Variants in RANBP2 observed in about 807,000 individuals in gnomAD.
RANBP2 encodes E3 SUMO-protein ligase RanBP2.
Under a neutral mutation model 303.6 loss-of-function variants are expected in RANBP2, and 57 were observed. That is an observed-to-expected ratio of 0.19 (90% confidence interval 0.15 to 0.23). RANBP2 has a LOEUF of 0.23. RANBP2 is among the 10% of genes least tolerant of loss of function. The pLI is 1.00. For synonymous variants in RANBP2, 1,167 were observed against 1,301.5 expected (o/e 0.90, Z 2.23); for missense variants, 3,138 against 3,780.8 (o/e 0.83, Z 4.46).
chr2:108,856,899 A>G, the RANBP2 span: 2 of 1,613,358 alleles, frequency 1.2e-6, no homozygotes, highest in South Asian at 1.1e-5. Context: ...ATATTAAGTC[A>G]TCTAAGAATA....
At chr2:109,090,539 C>A in the RANBP2 span, among the ~76,000 whole-genome samples, 1 of 152,156 alleles carries the variant, frequency 6.6e-6, no homozygotes, top group East Asian at 1.9e-4. Flanking sequence ...CCCTAGGAGA[C>A]TCTCCAGCTT....
At chr2:109,083,860 C>T in the RANBP2 span, among the ~76,000 whole-genome samples, 3 of 152,136 alleles carry the variant, frequency 2.0e-5, no homozygotes, top group Non-Finnish European at 4.4e-5. Context: ...TTTTCAATTT[C>T]CCTCGGCTTC....
the RANBP2 span, among the ~76,000 whole-genome samples, chr2:109,303,147 A>G: frequency 6.6e-6 from 1 of 152,182 alleles, no homozygotes; most frequent in Non-Finnish European, 1.5e-5. Context: ...AGGTGCTAGG[A>G]CTGCAGGCGT....
At chr2:109,079,090 G>A in the RANBP2 span, among the ~76,000 whole-genome samples, 9 of 152,158 alleles carry the variant, frequency 5.9e-5, no homozygotes, top group South Asian at 4.2e-4. Flanking sequence ...AACAACATGC[G>A]TTTAAATTAC....
chr2:108,776,962 A>G (rs1315293009), intron 24 of RANBP2, among the ~76,000 whole-genome samples, 168 bp from the exon 25 acceptor site: 1 of 152,160 alleles, frequency 6.6e-6, no homozygotes, highest in Non-Finnish European at 1.5e-5. Flanking sequence ...TAAAATTAGT[A>G]ATACTGAAGT....
At chr2:108,810,967 T>G in the RANBP2 span, among the ~76,000 whole-genome samples, 1 of 152,146 alleles carries the variant, frequency 6.6e-6, no homozygotes, top group South Asian at 2.1e-4. Flanking sequence ...TTTGTTGGCA[T>G]ATAGTTGTTT....
chr2:109,162,222 C>A, the RANBP2 span, among the ~76,000 whole-genome samples: 14 of 152,250 alleles, frequency 9.2e-5, 1 homozygote, highest in Middle Eastern at 3.4e-3. Context: ...GGCTTGATCT[C>A]CTTAGAAAGT....
chr2:108,790,120 AAAT>A (rs1309168180), downstream of RANBP2, among the ~76,000 whole-genome samples: 3 of 152,172 alleles, frequency 2.0e-5, no homozygotes, highest in Non-Finnish European at 2.9e-5. Flanking sequence ...AGTTCTGGGT[AAAT>A]AATAAGTACT....
chr2:108,880,067 C>T, the RANBP2 span, among the ~76,000 whole-genome samples: 2 of 151,694 alleles, frequency 1.3e-5, no homozygotes, highest in African/African-American at 4.8e-5. Context: ...AGAAACAAAT[C>T]CAAAGCAAAA....
In RANBP2 at chr2:108,765,933, C is replaced by G. The variant is rs368119755; in HGVS notation, c.5394C>G (p.Ser1798=). 6.2e-7 allele frequency: 1 copy of G among 1,614,068 alleles called. No homozygotes were observed. Among genetic ancestry groups the G allele is most frequent in the Admixed American group, 1.7e-5 (1 of 59,998 alleles). ...GCTGTGTACAAAATGAGAGTTCTTCCTTAAAATGTGTGGCTTGTGATGCCT... is the reference window on the plus strand; with the variant it reads ...GCTGTGTACAAAATGAGAGTTCTTCGTTAAAATGTGTGGCTTGTGATGCCT... The part of the protein sequence containing the change: ...SVCCVQNESS[S]LKCVACDASK... The change falls in exon 20 of 29, where the codon TCC becomes TCG. Residue 1798 remains serine (S), a synonymous_variant. Transcript: ENST00000283195.
At chr2:109,041,108 T>A in the RANBP2 span, among the ~76,000 whole-genome samples, 3 of 152,190 alleles carry the variant, frequency 2.0e-5, no homozygotes, top group Non-Finnish European at 4.4e-5. Context: ...TCAAATTTCT[T>A]TTTTTGGTTG....
chr2:109,138,780 T>A, the RANBP2 span, among the ~76,000 whole-genome samples: 1 of 152,240 alleles, frequency 6.6e-6, no homozygotes, highest in Non-Finnish European at 1.5e-5. Context: ...TCTTGAAGAC[T>A]GGCCCAGAAC....
the RANBP2 span, among the ~76,000 whole-genome samples, chr2:109,593,894 G>C: frequency 6.6e-6 from 1 of 152,070 alleles, no homozygotes; most frequent in Non-Finnish European, 1.5e-5. Flanking sequence ...CATATTACAC[G>C]TCCATATCAC....
chr2:109,497,267 C>T, the RANBP2 span, among the ~76,000 whole-genome samples: 1 of 152,214 alleles, frequency 6.6e-6, no homozygotes, highest in Non-Finnish European at 1.5e-5. Flanking sequence ...GTTACCAGCA[C>T]ATTCCATGGA....
At chr2:109,069,962 A>AGT in the RANBP2 span, among the ~76,000 whole-genome samples, 1 of 152,208 alleles carries the variant, frequency 6.6e-6, no homozygotes, top group East Asian at 1.9e-4. Context: ...GAATGTAATC[A>AGT]GTGTTCTCAA....
At chr2:109,305,906 T>C in the RANBP2 span, among the ~76,000 whole-genome samples, 2 of 152,360 alleles carry the variant, frequency 1.3e-5, no homozygotes, top group East Asian at 3.9e-4. Context: ...CCCTGAGCTC[T>C]GCCCTTTGGG....
chr2:109,139,473 G>T, the RANBP2 span, among the ~76,000 whole-genome samples: 113 of 152,318 alleles, frequency 7.4e-4, no homozygotes, highest in Admixed American at 1.2e-3. Flanking sequence ...ATCCTGAGCG[G>T]CATCCCCCTT....
chr2:108,782,432 AT>A (rs534537328), intron 27 of RANBP2, 31 bp downstream of exon 27: 1 of 1,613,846 alleles, frequency 6.2e-7, no homozygotes, highest in Non-Finnish European at 8.5e-7. Context: ...GCTACTTTTC[AT>A]TTTTTGGACT....
chr2:109,355,412 A>G, the RANBP2 span, among the ~76,000 whole-genome samples: 1 of 152,174 alleles, frequency 6.6e-6, no homozygotes, highest in East Asian at 1.9e-4. Flanking sequence ...CTCTGACCAA[A>G]TCCTGCCTGC....
Sources: gnomAD v4.1 joint callset for allele counts (sites outside exome capture counted in the v4.1 genomes callset) on GRCh38, gnomAD v4.1.1 for gene constraint, MANE v1.5 for transcripts, NCBI Gene and HGNC (gene_info 2026-07-23, HGNC 2026-07-21) for gene names.